Variants in ITGB3BP observed in about 807,000 individuals in gnomAD.
The protein encoded by ITGB3BP is centromere protein R.
A neutral mutation model predicts 29.1 loss-of-function variants in ITGB3BP; 27 were observed. The observed-to-expected ratio is 0.93, with a 90% confidence interval of 0.68 to 1.28. ITGB3BP has a LOEUF of 1.28. Among genes scored for constraint, ITGB3BP ranks in the 50% most tolerant of loss-of-function variants. The pLI, the probability that ITGB3BP is intolerant of heterozygous loss-of-function variation, is 0.00. For missense variants in ITGB3BP, 192 were observed against 200.2 expected, an observed-to-expected ratio of 0.96 and a Z score of 0.25; for synonymous variants, 61 against 61.4, an observed-to-expected ratio of 0.99 and a Z score of 0.03.
rs137969303 is a variant in ITGB3BP, at chr1:63,519,791, A to G, written c.5+3338T>C. 1.6e-3 allele frequency among the ~76,000 whole-genome samples: 238 copies of G among 152,246 alleles called. 1 individual carries two copies. The highest frequency in any genetic ancestry group is 3.4e-3 in the Middle Eastern group (1 of 294). Reference sequence around the variant, plus strand: ...CAAAATGATTACAGCATATAGGCACAATAAAGATCCAGAATATGTTTATAT... The same window carrying G: ...CAAAATGATTACAGCATATAGGCACGATAAAGATCCAGAATATGTTTATAT... On this transcript the variant is annotated intron_variant, in intron 1 of 8. Coordinates refer to ENST00000271002, the MANE Select transcript of ITGB3BP (RefSeq NM_014288.5).
intron 2 of ITGB3BP, among the ~76,000 whole-genome samples, chr1:63,504,993 C>G (rs1224271165): frequency 6.6e-6 from 1 of 152,146 alleles, no homozygotes; most frequent in Non-Finnish European, 1.5e-5. Flanking sequence ...GTGTCTCTGC[C>G]AGGCTTTGGT....
At chr1:63,472,054 AC>A (rs766437157) in intron 4 of ITGB3BP, among the ~76,000 whole-genome samples, 278 of 90,320 alleles carry the variant, frequency 3.1e-3, no homozygotes, top group South Asian at 8.4e-3. Context: ...AAAGTGAATA[AC>A]CTTTTTTTTT....
At chr1:63,448,655 GAAA>G (rs1044532415) in intron 7 of ITGB3BP, among the ~76,000 whole-genome samples, 1 of 151,444 alleles carries the variant, frequency 6.6e-6, no homozygotes, top group Non-Finnish European at 1.5e-5. Context: ...TAAAAAATGG[GAAA>G]AAAAAGTTCA....
Position 63,454,915 on chromosome 1 carries a change from A to G in ITGB3BP, c.308T>C (p.Ile103Thr). Residue 103 changes from isoleucine to threonine, a missense_variant, in exon 5 of 9, where the codon ATA becomes ACA. Coordinates refer to ENST00000271002, the MANE Select transcript of ITGB3BP (RefSeq NM_014288.5). This position sits in a 1 kb window ranked among gnomAD's most constrained non-coding sequence, Gnocchi z 4.1. ...VEKLSEEIME[I>T]MQNLSSIQAL... ...CTGTATACTACTTAAATTTTGCATTATCTCCATGATTTCTTCTGACAATTT... is the reference window on the plus strand; with the variant it reads ...CTGTATACTACTTAAATTTTGCATTGTCTCCATGATTTCTTCTGACAATTT... 6.4e-7 allele frequency: 1 copy of G among 1,560,882 alleles called. No individual in the cohort carries two copies. The highest frequency in any genetic ancestry group is 8.8e-7 in the Non-Finnish European group (1 of 1,133,062).
intron 4 of ITGB3BP, among the ~76,000 whole-genome samples, chr1:63,477,086 G>C (rs1214283438): frequency 1.3e-5 from 2 of 152,194 alleles, no homozygotes; most frequent in African/African-American, 4.8e-5. Context: ...TGGAGGAGCA[G>C]CATGTCGAGG....
In ITGB3BP at chr1:63,441,112, TATAA is replaced by T. The variant is rs1644723640; in HGVS notation, c.*2-13_*2-10del. The T allele has an allele frequency of 6.6e-6, 1 of 152,374 alleles. No individual in the cohort carries two copies. The highest frequency in any genetic ancestry group is 1.5e-5 in the Non-Finnish European group (1 of 68,040). 9.4% of individuals were successfully genotyped at this position (152,374 alleles called of 1,614,324 possible). A position where few individuals can be genotyped will look rare whatever the true frequency, so the allele number is the denominator to read the frequency against. On this transcript the variant is annotated splice_polypyrimidine_tract_variant and intron_variant, in intron 8 of 8. Coordinates refer to ENST00000271002, the MANE Select transcript of ITGB3BP (RefSeq NM_014288.5). Reference sequence around the variant, plus strand: ...GCATTTCTTCTTAATGCCTGTGAGATATAAAAGATAATTATATTATCAAGAATTA... The same window carrying T: ...GCATTTCTTCTTAATGCCTGTGAGATAAGATAATTATATTATCAAGAATTA...
chr1:63,511,301 T>C (rs1483115910), intron 1 of ITGB3BP, among the ~76,000 whole-genome samples: 4 of 152,002 alleles, frequency 2.6e-5, no homozygotes, highest in Admixed American at 1.3e-4. Flanking sequence ...AAAATAAGTG[T>C]TGGTGAGGAT....
At position 63,490,196 on chromosome 1, in the gene ITGB3BP, G is replaced by C; in HGVS notation, c.71C>G (p.Thr24Arg). The C allele has an allele frequency of 6.3e-7, 1 of 1,577,778 alleles. No individual in the cohort carries two copies. Among genetic ancestry groups the C allele is most frequent in the Non-Finnish European group, 8.7e-7 (1 of 1,150,478 alleles). Residue 24 changes from threonine to arginine, a missense_variant, in exon 3 of 9, where the codon ACA (threonine) becomes AGA (arginine). Thr to Arg is a moderately conservative substitution (Grantham distance 71, BLOSUM62 -1). Transcript: ENST00000271002. ...ATAAGTTATAACACTTTTCTTCCTTGTGATTTTTGAAGGATCAAATGACTG... is the reference window on the plus strand; with the variant it reads ...ATAAGTTATAACACTTTTCTTCCTTCTGATTTTTGAAGGATCAAATGACTG... ...EENSFDPSKI[T>R]RKKSVITYSP...
At chr1:63,472,719 C>T (rs543517527) in intron 4 of ITGB3BP, among the ~76,000 whole-genome samples, 56 of 151,692 alleles carry the variant, frequency 3.7e-4, no homozygotes, top group South Asian at 2.5e-3. Flanking sequence ...GCGAGTGATC[C>T]GCCAGCCTCG....
intron 4 of ITGB3BP, among the ~76,000 whole-genome samples, chr1:63,456,806 G>A (rs1369955508): frequency 6.6e-6 from 1 of 152,150 alleles, no homozygotes; most frequent in Non-Finnish European, 1.5e-5. Context: ...TTCACATAGA[G>A]TTAGATGTAA....
intron 1 of ITGB3BP, among the ~76,000 whole-genome samples, chr1:63,514,877 C>T (rs6664112): frequency 0.019 from 2,765 of 144,952 alleles, 28 homozygotes; most frequent in Middle Eastern, 0.03. Flanking sequence ...ACCCAGGAGA[C>T]GGAGGTTGCA....
intron 4 of ITGB3BP, among the ~76,000 whole-genome samples, chr1:63,465,916 CA>C (rs1418553707): frequency 6.6e-6 from 1 of 151,776 alleles, no homozygotes; most frequent in African/African-American, 2.4e-5. Context: ...TGGAAACCAT[CA>C]ACTTGTATTG....
chr1:63,447,170 T>A (rs930166500), intron 7 of ITGB3BP: 27 of 308,026 alleles, frequency 8.8e-5, no homozygotes, highest in African/African-American at 5.8e-4. Flanking sequence ...AGATTCTATA[T>A]CCCTGAGGGC....
At chr1:63,448,121 T>C (rs541097024) in intron 7 of ITGB3BP, among the ~76,000 whole-genome samples, 15 of 135,344 alleles carry the variant, frequency 1.1e-4, no homozygotes, top group South Asian at 7.1e-4. Flanking sequence ...TAGGTGGGAA[T>C]TGAACAATGA....
intron 1 of ITGB3BP, among the ~76,000 whole-genome samples, chr1:63,520,527 G>A (rs544199869): frequency 6.6e-6 from 1 of 152,192 alleles, no homozygotes; most frequent in South Asian, 2.1e-4. Context: ...TCAAAGAGAA[G>A]GCAGAGAAAG....
chr1:63,524,103 A>G (rs1646533782), upstream of ITGB3BP, among the ~76,000 whole-genome samples: 1 of 152,194 alleles, frequency 6.6e-6, no homozygotes, highest in South Asian at 2.1e-4. Flanking sequence ...AAAGAATAAA[A>G]TTCTGGCACA....
chr1:63,498,890 G>T (rs577023432), intron 2 of ITGB3BP, among the ~76,000 whole-genome samples: 48 of 151,928 alleles, frequency 3.2e-4, no homozygotes, highest in Middle Eastern at 3.4e-3. Context: ...ATAAAATCAG[G>T]AATGAAAAAG....
chr1:63,525,062 C>T (rs898895192), upstream of ITGB3BP, among the ~76,000 whole-genome samples: 1 of 152,046 alleles, frequency 6.6e-6, no homozygotes, highest in Non-Finnish European at 1.5e-5. Context: ...CACTCATATC[C>T]CGATTCTCAT....
chr1:63,514,931 C>A (rs576179138), intron 1 of ITGB3BP, among the ~76,000 whole-genome samples: 3 of 110,870 alleles, frequency 2.7e-5, no homozygotes, highest in East Asian at 4.8e-4. Flanking sequence ...GGTGACAGAG[C>A]GAGACTCTGT....
Sources: gnomAD v4.1 joint callset for allele counts (sites outside exome capture counted in the v4.1 genomes callset) on GRCh38, gnomAD v4.1.1 for gene constraint, Gnocchi (gnomAD v3.1) non-coding constraint, MANE v1.5 for transcripts, NCBI Gene and HGNC (gene_info 2026-07-23, HGNC 2026-07-21) for gene names.